PLAC1: variants seen among roughly 807,000 people sequenced by gnomAD.
PLAC1 encodes the protein placenta associated 1, also known as placenta-specific protein 1.
For synonymous variants in PLAC1, 68 were observed against 62.1 expected, an observed-to-expected ratio of 1.09 and a Z score of -0.44; for missense variants, 136 against 163.2, an observed-to-expected ratio of 0.83 and a Z score of 0.91.
intron 2 of PLAC1, among the ~76,000 whole-genome samples, chrX:134,689,248 T>C (rs1412474902): frequency 1.8e-5 from 2 of 112,154 alleles, no homozygotes; most frequent in Non-Finnish European, 3.8e-5. Context: ...TTTCACCATG[T>C]CACGCCTGTG....
intron 1 of PLAC1, among the ~76,000 whole-genome samples, chrX:134,624,907 ATGATAGAT>A (rs2078227891): frequency 1.1e-5 from 1 of 89,822 alleles, no homozygotes; most frequent in African/African-American, 4.1e-5. Flanking sequence ...TGACAGATAA[ATGATAGAT>A]AGATAGATAG....
intron 2 of PLAC1, among the ~76,000 whole-genome samples, chrX:134,729,991 A>G (rs757641357): frequency 9.0e-6 from 1 of 110,621 alleles, no homozygotes; most frequent in East Asian, 2.9e-4. Flanking sequence ...GGGTTTCACC[A>G]TGTTGGCCAG....
Position 134,603,323 on chromosome X carries a change from T to A in PLAC1, c.-130-1201A>T, listed in dbSNP as rs1373089582. 1.7e-3 allele frequency among the ~76,000 whole-genome samples: 53 copies of A among 31,401 alleles called. 1 individual carries two copies. Among genetic ancestry groups the A allele is most frequent in the African/African-American group, 4.0e-3 (27 of 6,799 alleles). The allele number at this position is 31,401 out of a possible 115,157, so 27.3% of individuals were successfully genotyped here. Reference sequence around the variant, plus strand: ...TATATATATATATATATTTTTTTTTTTTTTTTTTTTTTTTTTTTTTTTTTT... The same window carrying A: ...TATATATATATATATATTTTTTTTTATTTTTTTTTTTTTTTTTTTTTTTTT... On this transcript the variant is annotated intron_variant, in intron 1 of 2. Transcript: ENST00000359237.
At chrX:134,692,746 T>C (rs1240323671) in intron 2 of PLAC1, among the ~76,000 whole-genome samples, 1 of 111,531 alleles carries the variant, frequency 9.0e-6, no homozygotes, top group Non-Finnish European at 1.9e-5. Context: ...CTAAACTCTG[T>C]GTGGCAGACA....
chrX:134,713,451 T>C (rs2078634102), intron 2 of PLAC1, among the ~76,000 whole-genome samples: 1 of 112,057 alleles, frequency 8.9e-6, no homozygotes, highest in Non-Finnish European at 1.9e-5. Context: ...AAAAGACAGA[T>C]GCAAATTTCA....
chrX:134,591,052 A>G (rs1442147609), intron 2 of PLAC1, among the ~76,000 whole-genome samples: 4 of 111,736 alleles, frequency 3.6e-5, no homozygotes, highest in Non-Finnish European at 5.7e-5. Flanking sequence ...AATCCTCTTC[A>G]TGCAACTCTG....
At chrX:134,578,431 A>G (rs1227264182) in intron 2 of PLAC1, among the ~76,000 whole-genome samples, 1 of 20,892 alleles carries the variant, frequency 4.8e-5, no homozygotes, top group Non-Finnish European at 1.3e-4. Flanking sequence ...AAAAAAAAAG[A>G]AAAGAAAAAA....
intron 1 of PLAC1, among the ~76,000 whole-genome samples, chrX:134,629,546 T>C (rs1435862093): frequency 1.8e-5 from 2 of 111,838 alleles, no homozygotes; most frequent in Admixed American, 1.9e-4. Context: ...TTGTGAATTT[T>C]TAAAACATAT....
chrX:134,617,942 C>A (rs73566629), intron 1 of PLAC1, among the ~76,000 whole-genome samples: 5,957 of 111,978 alleles, frequency 0.053, 426 homozygotes, highest in African/African-American at 0.18. Flanking sequence ...GCTTCTCCAG[C>A]ACCTGCTCTG....
chrX:134,680,314 C>T (rs772346516), intron 2 of PLAC1, among the ~76,000 whole-genome samples: 8 of 111,246 alleles, frequency 7.2e-5, no homozygotes, highest in Admixed American at 9.6e-5. Flanking sequence ...ATGCAGCCAG[C>T]GCATGACAGA....
At chrX:134,636,137 C>CTT (rs201352051) in intron 1 of PLAC1, among the ~76,000 whole-genome samples, 4,225 of 111,880 alleles carry the variant, frequency 0.038, 207 homozygotes, top group African/African-American at 0.13. Flanking sequence ...CCAGGAAGTA[C>CTT]TGGTTGACAC....
intron 1 of PLAC1, among the ~76,000 whole-genome samples, chrX:134,626,645 C>T (rs891143573): frequency 9.0e-6 from 1 of 111,663 alleles, no homozygotes; most frequent in Admixed American, 9.5e-5. Context: ...GCTTTTTGGC[C>T]AGAGGCAGTT....
At chrX:134,609,024 G>GT (rs1316371820) in intron 1 of PLAC1, among the ~76,000 whole-genome samples, 1 of 110,442 alleles carries the variant, frequency 9.1e-6, no homozygotes, top group Non-Finnish European at 1.9e-5. Context: ...CCAGGCTGGA[G>GT]TGCAGTGGTG....
chrX:134,604,465 CT>C (rs1228723563), intron 1 of PLAC1: 9 of 111,963 alleles, frequency 8.0e-5, no homozygotes, highest in Admixed American at 3.8e-4. Context: ...TCTCATCAGC[CT>C]TTCATCTCTA....
At chrX:134,749,541 G>A (rs768247535) in intron 1 of PLAC1, among the ~76,000 whole-genome samples, 1 of 111,707 alleles carries the variant, frequency 9.0e-6, no homozygotes, top group Non-Finnish European at 1.9e-5. Context: ...TAGCCAAAGA[G>A]TGCACTTGTT....
intron 2 of PLAC1, among the ~76,000 whole-genome samples, chrX:134,600,151 G>T (rs1203038003): frequency 1.8e-5 from 2 of 110,217 alleles, no homozygotes. Flanking sequence ...TCAGCCTCCT[G>T]AGTAGCTCGG....
chrX:134,745,036 C>T (rs1054162297), intron 1 of PLAC1, among the ~76,000 whole-genome samples: 6 of 111,648 alleles, frequency 5.4e-5, no homozygotes, highest in Non-Finnish European at 7.5e-5. Flanking sequence ...AATGAGAAAG[C>T]TTTTGGCTCA....
At chrX:134,621,222 G>C (rs2078208434) in intron 1 of PLAC1, among the ~76,000 whole-genome samples, 1 of 110,182 alleles carries the variant, frequency 9.1e-6, no homozygotes, top group Non-Finnish European at 1.9e-5. Context: ...GAGTCTGGCG[G>C]ATCACTTAAG....
At chrX:134,676,202 G>A (rs1034040365) in intron 2 of PLAC1, among the ~76,000 whole-genome samples, 1 of 111,207 alleles carries the variant, frequency 9.0e-6, no homozygotes. Flanking sequence ...TGTTTGGCCC[G>A]GGGCCTCATT....
Sources: gnomAD v4.1 joint callset for allele counts (sites outside exome capture counted in the v4.1 genomes callset) on GRCh38, gnomAD v4.1.1 for gene constraint, MANE v1.5 for transcripts, NCBI Gene and HGNC (gene_info 2026-07-23, HGNC 2026-07-21) for gene names.